Variants in CTNNA3 observed in about 807,000 individuals in gnomAD.
CTNNA3 encodes the protein catenin alpha-3.
CTNNA3 carries 76 observed loss-of-function variants against 95.7 expected under a neutral mutation model. The ratio of observed to expected loss-of-function variants is 0.79; its 90% CI spans 0.66 to 0.96. CTNNA3 has a LOEUF of 0.96. Among genes scored for constraint, CTNNA3 ranks in the 40% least tolerant of loss-of-function variants. The pLI is 0.00. For missense variants in CTNNA3, 1,191 were observed against 1,089.8 expected (o/e 1.09, Z -1.31); for synonymous variants, 431 against 374.4 (o/e 1.15, Z -1.74).
In CTNNA3 at chr10:67,606,891, C is replaced by G; in HGVS notation, c.258G>C (p.Glu86Asp). Residue 86 changes from glutamate (E) to aspartate (D), a missense_variant, in exon 3 of 18, where the codon GAG becomes GAC. By Grantham distance (45) the Glu-to-Asp change is conservative. Coordinates refer to ENST00000433211, the MANE Select transcript of CTNNA3 (RefSeq NM_013266.4). ...GAACTTCCTCAAGTGAAGCCGTAAG[C>G]TCATCCTTTAAAACTGTAGCTTCCT... ...IAQEATVLKD[E>D]LTASLEEVRK... 1 of 1,614,008 alleles carries G rather than the reference C, an allele frequency of 6.2e-7. No individual in the cohort carries two copies.
chr10:67,510,804 T>C (rs1839601346), intron 5 of CTNNA3, among the ~76,000 whole-genome samples: 1 of 152,202 alleles, frequency 6.6e-6, no homozygotes, highest in Non-Finnish European at 1.5e-5. Flanking sequence ...ATTTTCATGA[T>C]ATTGATTCTT....
intron 11 of CTNNA3, among the ~76,000 whole-genome samples, chr10:66,433,319 T>C (rs2093312176): frequency 6.6e-6 from 1 of 152,212 alleles, no homozygotes; most frequent in African/African-American, 2.4e-5. Context: ...TGTTGTTTCC[T>C]GACTTTTTAA....
At chr10:67,711,370 G>A (rs190966453) in intron 1 of CTNNA3, among the ~76,000 whole-genome samples, 180 of 152,262 alleles carry the variant, frequency 1.2e-3, no homozygotes, top group African/African-American at 4.2e-3. Flanking sequence ...GAAACTTGTT[G>A]AATGACTTTG....
chr10:66,444,758 T>C (rs1270982221), intron 11 of CTNNA3, among the ~76,000 whole-genome samples: 1 of 152,136 alleles, frequency 6.6e-6, no homozygotes, highest in African/African-American at 2.4e-5. Context: ...AGGAAGAAAC[T>C]GCATCAACTA....
At chr10:66,085,956 G>A (rs1403650288) in intron 14 of CTNNA3, among the ~76,000 whole-genome samples, 1 of 152,088 alleles carries the variant, frequency 6.6e-6, no homozygotes, top group Non-Finnish European at 1.5e-5. Context: ...AGGGTTGATG[G>A]TAACACCTAT....
At chr10:66,131,486 T>C (rs2083102060) in intron 13 of CTNNA3, among the ~76,000 whole-genome samples, 1 of 152,144 alleles carries the variant, frequency 6.6e-6, no homozygotes. Context: ...AGTAATAATT[T>C]GTAGACTCAA....
In CTNNA3 at chr10:66,778,821, C is replaced by T. The variant is rs185537410; in HGVS notation, c.1048-3297G>A. On this transcript the variant is annotated intron_variant, in intron 7 of 17. Coordinates refer to ENST00000433211, the MANE Select transcript of CTNNA3 (RefSeq NM_013266.4). ...TGAAACACCATCTTTACTAAACATA[C>T]AAGAATTAGCTGGGCATGGTGGCGC... Among the ~76,000 whole-genome samples the T allele has an allele frequency of 4.2e-3, 632 of 151,990 alleles. 3 individuals carry two copies. Among genetic ancestry groups the T allele is most frequent in the Middle Eastern group, 0.017 (5 of 292 alleles).
intron 9 of CTNNA3, among the ~76,000 whole-genome samples, chr10:66,737,563 T>C (rs1849184766): frequency 6.6e-6 from 1 of 152,214 alleles, no homozygotes; most frequent in Non-Finnish European, 1.5e-5. Context: ...GCTACATTTA[T>C]AAATATTGAA....
intron 11 of CTNNA3, among the ~76,000 whole-genome samples, chr10:66,486,949 G>A (rs1839749639): frequency 6.6e-6 from 1 of 152,062 alleles, no homozygotes; most frequent in African/African-American, 2.4e-5. Context: ...GCTAGGCACA[G>A]AAGGGCAAAT....
chr10:66,439,547 ATAAT>A (rs2093361859), intron 11 of CTNNA3, among the ~76,000 whole-genome samples: 1 of 152,214 alleles, frequency 6.6e-6, no homozygotes, highest in African/African-American at 2.4e-5. Context: ...GATAAATAAA[ATAAT>A]TAAGCAAATG....
At chr10:66,043,276 A>T (rs570028233) in intron 15 of CTNNA3, among the ~76,000 whole-genome samples, 37 of 152,298 alleles carry the variant, frequency 2.4e-4, no homozygotes, top group African/African-American at 8.4e-4. Context: ...GTGACTTGGA[A>T]GTATATTGGA....
At chr10:67,586,700 T>G (rs1248100197) in intron 3 of CTNNA3, among the ~76,000 whole-genome samples, 1 of 152,138 alleles carries the variant, frequency 6.6e-6, no homozygotes, top group Non-Finnish European at 1.5e-5. Context: ...TCAGGTAAGT[T>G]TCTTATAAGC....
intron 15 of CTNNA3, among the ~76,000 whole-genome samples, chr10:66,064,017 T>C (rs968872534): frequency 6.6e-6 from 1 of 152,100 alleles, no homozygotes; most frequent in Non-Finnish European, 1.5e-5. Flanking sequence ...CTATAAAGAA[T>C]TGCCCGAGAC....
chr10:66,207,253 T>A (rs976074193), intron 13 of CTNNA3, among the ~76,000 whole-genome samples: 3 of 151,876 alleles, frequency 2.0e-5, no homozygotes, highest in Non-Finnish European at 4.4e-5. Flanking sequence ...ATTTTGATCC[T>A]TAAAAGTCAT....
At chr10:66,289,649 A>G (rs1397661695) in intron 12 of CTNNA3, among the ~76,000 whole-genome samples, 1 of 152,008 alleles carries the variant, frequency 6.6e-6, no homozygotes, top group African/African-American at 2.4e-5. Flanking sequence ...CTTACTATTT[A>G]AGGCAACTGA....
intron 7 of CTNNA3, among the ~76,000 whole-genome samples, chr10:67,175,941 TA>T (rs1165967037): frequency 2.6e-5 from 4 of 152,098 alleles, no homozygotes; most frequent in African/African-American, 9.7e-5. Flanking sequence ...GCCCCATTTA[TA>T]AAAAAATTCC....
chr10:66,786,326 A>G (rs1271085332), intron 7 of CTNNA3, among the ~76,000 whole-genome samples: 1 of 152,146 alleles, frequency 6.6e-6, no homozygotes, highest in African/African-American at 2.4e-5. Flanking sequence ...GTCAGCCTTC[A>G]GAAACCTGAG....
At chr10:67,501,834 C>G (rs1267229186) in intron 5 of CTNNA3, among the ~76,000 whole-genome samples, 1 of 152,100 alleles carries the variant, frequency 6.6e-6, no homozygotes, top group Non-Finnish European at 1.5e-5. Context: ...ATGTTCTCCT[C>G]TAAACTGGTT....
chr10:67,122,272 TTTAA>T (rs1859508628), intron 7 of CTNNA3, among the ~76,000 whole-genome samples: 1 of 152,084 alleles, frequency 6.6e-6, no homozygotes, highest in African/African-American at 2.4e-5. Flanking sequence ...AAAAGGTCTT[TTTAA>T]TTATTTTATT....
Sources: gnomAD v4.1 joint callset for allele counts (sites outside exome capture counted in the v4.1 genomes callset) on GRCh38, gnomAD v4.1.1 for gene constraint, MANE v1.5 for transcripts, NCBI Gene and HGNC (gene_info 2026-07-23, HGNC 2026-07-21) for gene names.